SORCS3: variants seen among roughly 807,000 people sequenced by gnomAD.
SORCS3 encodes sortilin related VPS10 domain containing receptor 3.
In SORCS3, 57 loss-of-function variants were observed where a neutral mutation model predicts 146.3. The observed-to-expected ratio is 0.39, with a 90% confidence interval of 0.31 to 0.49. SORCS3 has a LOEUF of 0.49. SORCS3 is among the 20% of genes least tolerant of loss of function. The pLI is 0.92. For missense variants in SORCS3, 1,341 were observed against 1,575.5 expected (o/e 0.85, Z 2.52); for synonymous variants, 653 against 618.5 (o/e 1.06, Z -0.83).
chr10:104,901,376 C>T (rs978500942), intron 2 of SORCS3, among the ~76,000 whole-genome samples: 1 of 152,140 alleles, frequency 6.6e-6, no homozygotes, highest in Non-Finnish European at 1.5e-5. Context: ...TCTGTGACTT[C>T]GAAGTTTGTG....
At chr10:105,082,149 G>A (rs1459576761) in intron 5 of SORCS3, among the ~76,000 whole-genome samples, 1 of 152,202 alleles carries the variant, frequency 6.6e-6, no homozygotes, top group South Asian at 2.1e-4. Context: ...TTTCAACTCA[G>A]TACAAAGATT....
At chr10:105,117,940 C>T (rs1185591792) in intron 7 of SORCS3, among the ~76,000 whole-genome samples, 2 of 152,016 alleles carry the variant, frequency 1.3e-5, no homozygotes, top group African/African-American at 4.8e-5. Context: ...TTCAGGGTCC[C>T]CTCTCATCTC....
intron 14 of SORCS3, among the ~76,000 whole-genome samples, chr10:105,180,238 C>A (rs2056434920): frequency 6.6e-6 from 1 of 152,184 alleles, no homozygotes; most frequent in Admixed American, 6.5e-5. Flanking sequence ...ACGAAGAATT[C>A]ACACACACAG....
At chr10:104,851,728 G>A (rs1018535267) in intron 2 of SORCS3, among the ~76,000 whole-genome samples, 2 of 152,164 alleles carry the variant, frequency 1.3e-5, no homozygotes, top group African/African-American at 4.8e-5. Context: ...ATAGGAGAGT[G>A]ATTTGATATA....
chr10:104,791,840 T>C (rs898145428), intron 1 of SORCS3, among the ~76,000 whole-genome samples: 1 of 152,122 alleles, frequency 6.6e-6, no homozygotes, highest in Non-Finnish European at 1.5e-5. Flanking sequence ...CATAAGCAGA[T>C]TAGTTATGAA....
intron 11 of SORCS3, 83 bp from the exon 12 acceptor site, chr10:105,164,220 C>A: frequency 4.0e-6 from 4 of 1,006,810 alleles, no homozygotes; most frequent in Non-Finnish European, 6.3e-6. Context: ...AAAACCTTTA[C>A]TCTCTGCTCC....
At chr10:105,151,620 T>C (rs1379921907) in intron 9 of SORCS3, among the ~76,000 whole-genome samples, 2 of 152,022 alleles carry the variant, frequency 1.3e-5, no homozygotes, top group Non-Finnish European at 2.9e-5. Flanking sequence ...TTCTTGGTAA[T>C]GGAGAGGAGA....
intron 3 of SORCS3, 70 bp downstream of exon 3, chr10:104,916,002 AGG>A: frequency 8.5e-7 from 1 of 1,182,664 alleles, no homozygotes; most frequent in Non-Finnish European, 1.3e-6. Flanking sequence ...CCAGAGGTTA[AGG>A]AAAAAACTCA....
At chr10:105,171,981 A>T (rs2056363961) in intron 13 of SORCS3, among the ~76,000 whole-genome samples, 1 of 152,160 alleles carries the variant, frequency 6.6e-6, no homozygotes, top group African/African-American at 2.4e-5. Flanking sequence ...TCACAGTGCT[A>T]ATTGACCTGC....
intron 1 of SORCS3, among the ~76,000 whole-genome samples, chr10:104,697,160 A>C (rs1044462360): frequency 2.0e-5 from 3 of 152,200 alleles, no homozygotes; most frequent in Non-Finnish European, 4.4e-5. Context: ...AGATGAATAA[A>C]TAAATAAACG....
intron 2 of SORCS3, among the ~76,000 whole-genome samples, chr10:104,909,801 TC>T (rs2018947598): frequency 6.6e-6 from 1 of 151,420 alleles, no homozygotes; most frequent in Non-Finnish European, 1.5e-5. Flanking sequence ...TTTTTTTTTT[TC>T]TTTTAAAATA....
chr10:105,084,981 C>T lies in SORCS3; in HGVS notation c.1029-4794C>T, dbSNP rs564229176. ...TCCTGACCTCGTGATCCGCCCGACTCGGCCTCCCAAAGTGCTGGGATTACA... is the reference window on the plus strand; with the variant it reads ...TCCTGACCTCGTGATCCGCCCGACTTGGCCTCCCAAAGTGCTGGGATTACA... On this transcript the variant is annotated intron_variant, in intron 5 of 26. Transcript: ENST00000369701. Among the ~76,000 whole-genome samples the T allele has an allele frequency of 2.0e-4, 30 of 152,188 alleles. No individual in the cohort carries two copies. The East Asian group carries it at 2.1e-3, about 11-fold the overall frequency.
At position 105,139,378 on chromosome 10, in the gene SORCS3, T is replaced by C. The variant is rs764419461; in HGVS notation, c.1213-19T>C. The C allele has an allele frequency of 1.9e-6, 3 of 1,596,580 alleles. No homozygotes were observed. Among genetic ancestry groups the C allele is most frequent in the Non-Finnish European group, 1.7e-6 (2 of 1,164,124 alleles). On this transcript the variant is annotated intron_variant, in intron 7 of 26. Coordinates refer to ENST00000369701, the MANE Select transcript of SORCS3 (RefSeq NM_014978.3). ...TCTGTGGCCTCATCTGATCTCTTTG[T>C]GTTTCCCCCACAATCTAGGTAACAA...
At chr10:104,816,002 T>C (rs1291270293) in intron 1 of SORCS3, among the ~76,000 whole-genome samples, 1 of 152,244 alleles carries the variant, frequency 6.6e-6, no homozygotes, top group Non-Finnish European at 1.5e-5. Context: ...AATTGCTTTT[T>C]CTCCCTGTGA....
intron 1 of SORCS3, among the ~76,000 whole-genome samples, chr10:104,771,125 C>G (rs1292689223): frequency 6.6e-6 from 1 of 151,808 alleles, no homozygotes; most frequent in African/African-American, 2.4e-5. Context: ...GCTTTTTGCT[C>G]AACGTGTGGT....
chr10:104,926,577 A>G (rs1056906565), intron 3 of SORCS3, among the ~76,000 whole-genome samples: 4 of 152,258 alleles, frequency 2.6e-5, no homozygotes, highest in African/African-American at 9.6e-5. Context: ...ATTAGGGCTA[A>G]GAAAGCAGAA....
At chr10:105,240,831 C>T (rs2056817602) in intron 20 of SORCS3, among the ~76,000 whole-genome samples, 1 of 151,990 alleles carries the variant, frequency 6.6e-6, no homozygotes, top group Non-Finnish European at 1.5e-5. Flanking sequence ...ATCTCCAGTC[C>T]AGTCTCCAGA....
In SORCS3 at chr10:104,977,320, C is replaced by T; in HGVS notation, c.796-15C>T. The T allele has an allele frequency of 6.2e-7, 1 of 1,603,926 alleles. No individual in the cohort carries two copies. Among genetic ancestry groups the T allele is most frequent in the South Asian group, 1.1e-5 (1 of 89,460 alleles). On this transcript the variant is annotated splice_polypyrimidine_tract_variant and intron_variant, in intron 3 of 26. Transcript: ENST00000369701. ...ACTAACTCTGTCTGTATATGTCCCT[C>T]TATCCTTTCTTTAGATTATGCTTCT...
At chr10:105,091,552 C>T (rs2055709309) in intron 6 of SORCS3, among the ~76,000 whole-genome samples, 1 of 146,152 alleles carries the variant, frequency 6.8e-6, no homozygotes, top group Non-Finnish European at 1.5e-5. Context: ...CTCCCTCCTT[C>T]CCTCCTTCCT....
Sources: allele counts gnomAD v4.1 joint callset (sites outside exome capture counted in the v4.1 genomes callset), GRCh38; gene constraint gnomAD v4.1.1; transcripts MANE v1.5; gene names NCBI Gene and HGNC (gene_info 2026-07-23, HGNC 2026-07-21).